OR7E24: variants seen among roughly 807,000 people sequenced by gnomAD.
OR7E24 encodes the protein olfactory receptor 7E24.
For missense variants in OR7E24, 385 were observed against 410.3 expected (o/e 0.94, Z 0.53); for synonymous variants, 130 against 157.5 (o/e 0.83, Z 1.31).
chr19:9,221,057 A>T, the OR7E24 span, among the ~76,000 whole-genome samples: 3 of 151,868 alleles, frequency 2.0e-5, no homozygotes, highest in Admixed American at 2.0e-4. Context: ...GGCGGATCAC[A>T]GGGTCAGGCG....
the OR7E24 span, among the ~76,000 whole-genome samples, chr19:9,224,539 T>A: frequency 6.6e-6 from 1 of 151,974 alleles, no homozygotes; most frequent in African/African-American, 2.4e-5. Flanking sequence ...GTGGATCACT[T>A]GAGCCCAGGA....
upstream of OR7E24, among the ~76,000 whole-genome samples, chr19:9,243,709 A>G (rs576236602): frequency 6.6e-6 from 1 of 152,284 alleles, no homozygotes; most frequent in African/African-American, 2.4e-5. Flanking sequence ...AAATGGCTCA[A>G]GCTGGTGCAA....
the OR7E24 span, among the ~76,000 whole-genome samples, chr19:9,231,111 G>A: frequency 6.6e-6 from 1 of 151,764 alleles, no homozygotes; most frequent in South Asian, 2.1e-4. Flanking sequence ...TTAGAAATGG[G>A]GTTTCACCAT....
chr19:9,230,481 G>A, the OR7E24 span, among the ~76,000 whole-genome samples: 1 of 152,162 alleles, frequency 6.6e-6, no homozygotes, highest in Non-Finnish European at 1.5e-5. Context: ...ATACTTGAAT[G>A]TATGATTTTC....
At chr19:9,222,958 T>C in the OR7E24 span, among the ~76,000 whole-genome samples, 1 of 152,216 alleles carries the variant, frequency 6.6e-6, no homozygotes, top group Non-Finnish European at 1.5e-5. Context: ...GTTTTTACTA[T>C]GTTGAGGTAT....
the OR7E24 span, among the ~76,000 whole-genome samples, chr19:9,239,893 G>C: frequency 6.6e-6 from 1 of 151,696 alleles, no homozygotes; most frequent in Non-Finnish European, 1.5e-5. Context: ...ATTTTTAATA[G>C]AGATGGGGTT....
upstream of OR7E24, among the ~76,000 whole-genome samples, chr19:9,245,563 A>G (rs1453795798): frequency 6.6e-6 from 1 of 152,232 alleles, no homozygotes; most frequent in Non-Finnish European, 1.5e-5. Flanking sequence ...CATACTTAAA[A>G]GGATCGAAAA....
chr19:9,234,796 G>A, the OR7E24 span, among the ~76,000 whole-genome samples: 3,012 of 152,248 alleles, frequency 0.02, 82 homozygotes, highest in African/African-American at 0.068. Context: ...TTGAAAATGC[G>A]TATCTTAATC....
At chr19:9,238,512 C>A in the OR7E24 span, among the ~76,000 whole-genome samples, 1 of 152,194 alleles carries the variant, frequency 6.6e-6, no homozygotes, top group South Asian at 2.1e-4. Flanking sequence ...CGACCCTTAT[C>A]AGATATATGC....
Position 9,250,976 on chromosome 19 carries a change from T to A in OR7E24, c.-68T>A. On this transcript the variant is annotated 5_prime_UTR_variant, in exon 1 of 1. It removes an upstream start codon present in the reference 5' UTR. Coordinates refer to ENST00000456448, the MANE Select transcript of OR7E24 (RefSeq NM_001079935.2). ...CTATTGCTGAGGGTGTATAATCCTA[T>A]GTGAAAACTTAATTTCTTAATTGCT... The A allele has an allele frequency of 1.7e-6, 2 of 1,164,200 alleles. No homozygotes were observed. Among genetic ancestry groups the A allele is most frequent in the South Asian group, 1.6e-5 (1 of 61,624 alleles). 72.1% of individuals were successfully genotyped at this position (1,164,200 alleles called of 1,614,324 possible). A position where few individuals can be genotyped will look rare whatever the true frequency, so the allele number is the denominator to read the frequency against.
chr19:9,232,765 TTGTC>T, the OR7E24 span, among the ~76,000 whole-genome samples: 1 of 152,128 alleles, frequency 6.6e-6, no homozygotes, highest in Non-Finnish European at 1.5e-5. Flanking sequence ...CAATCCTTGT[TTGTC>T]TGTGTCCTTG....
chr19:9,239,913 T>G, the OR7E24 span, among the ~76,000 whole-genome samples: 1 of 151,966 alleles, frequency 6.6e-6, no homozygotes, highest in Admixed American at 6.6e-5. Flanking sequence ...TTCACCATAT[T>G]GGTCAGGCTG....
In OR7E24 at chr19:9,251,297, C is replaced by T; in HGVS notation, c.254C>T (p.Ser85Phe). Residue 85 changes from serine to phenylalanine, a missense_variant, in exon 1 of 1, where the codon TCC becomes TTC. By Grantham distance (155) the Ser-to-Phe change is radical. Transcript: ENST00000456448. ...ATGTACTTCTTCCTCTCCAACCTGTCCTTGGCTGACATCGGTTTCACCTCC... is the reference window on the plus strand; with the variant it reads ...ATGTACTTCTTCCTCTCCAACCTGTTCTTGGCTGACATCGGTTTCACCTCC... ...TPMYFFLSNLSLADIGFTSTT... is the reference protein window; with the variant it reads ...TPMYFFLSNLFLADIGFTSTT... 6.2e-7 allele frequency: 1 copy of T among 1,614,094 alleles called. No individual in the cohort carries two copies. Among genetic ancestry groups the T allele is most frequent in the Non-Finnish European group, 8.5e-7 (1 of 1,180,006 alleles).
the OR7E24 span, among the ~76,000 whole-genome samples, chr19:9,231,431 T>G: frequency 5.9e-5 from 9 of 151,844 alleles, no homozygotes; most frequent in Non-Finnish European, 8.8e-5. Context: ...AATACAAAAA[T>G]TAGCTGGGCA....
At chr19:9,235,058 A>G in the OR7E24 span, 1 of 571,200 alleles carries the variant, frequency 1.8e-6, no homozygotes, top group Non-Finnish European at 3.1e-6. Context: ...CTTTGGAAGG[A>G]CTCCATAGAA....
chr19:9,215,158 T>C, the OR7E24 span, among the ~76,000 whole-genome samples: 4 of 151,864 alleles, frequency 2.6e-5, no homozygotes, highest in Non-Finnish European at 5.9e-5. Flanking sequence ...TCCTGGCCAA[T>C]ATGGTGAAAC....
At chr19:9,220,276 T>A in the OR7E24 span, among the ~76,000 whole-genome samples, 1 of 152,164 alleles carries the variant, frequency 6.6e-6, no homozygotes, top group South Asian at 2.1e-4. Context: ...ACAATAGATC[T>A]CTTGAACTTA....
At chr19:9,249,160 G>A (rs527568842), upstream of OR7E24, among the ~76,000 whole-genome samples, 1 of 152,294 alleles carries the variant, frequency 6.6e-6, no homozygotes, top group South Asian at 2.1e-4. Context: ...CCTAGCTATG[G>A]TTCCCAATGT....
the OR7E24 span, among the ~76,000 whole-genome samples, chr19:9,223,480 G>C: frequency 6.6e-6 from 1 of 152,086 alleles, no homozygotes; most frequent in Non-Finnish European, 1.5e-5. Flanking sequence ...CTACATACCT[G>C]TCTACACTGT....
Sources: allele counts gnomAD v4.1 joint callset (sites outside exome capture counted in the v4.1 genomes callset), GRCh38; gene constraint gnomAD v4.1.1; transcripts MANE v1.5; gene names NCBI Gene and HGNC (gene_info 2026-07-23, HGNC 2026-07-21).